The following GULP1 variants were observed in gnomAD, a reference collection of about 807,000 sequenced individuals.
GULP1 encodes PTB domain-containing engulfment adapter protein 1.
In GULP1, 19 loss-of-function variants were observed where a neutral mutation model predicts 40.9. The observed-to-expected ratio is 0.46, with a 90% confidence interval of 0.32 to 0.68. The LOEUF is 0.68. GULP1 is among the 30% of genes least tolerant of loss of function. GULP1 has a pLI of 0.03. For missense variants in GULP1, 312 were observed against 362.2 expected (o/e 0.86, Z 1.12); for synonymous variants, 119 against 117.6 (o/e 1.01, Z -0.08).
intron 1 of GULP1, among the ~76,000 whole-genome samples, chr2:188,329,652 A>G (rs2041280184): frequency 1.3e-5 from 2 of 152,146 alleles, no homozygotes; most frequent in African/African-American, 2.4e-5. Flanking sequence ...GGAGGTGATG[A>G]TAAGCTTATA....
chr2:188,402,934 A>G (rs1428848581), intron 2 of GULP1, among the ~76,000 whole-genome samples: 1 of 152,188 alleles, frequency 6.6e-6, no homozygotes, highest in Non-Finnish European at 1.5e-5. Context: ...CTTATGTACA[A>G]AAAGGGAAAG....
In GULP1 at chr2:188,303,891, C is replaced by A. The variant is rs538548352; in HGVS notation, c.-172+11725C>A. ...CACTGGGGAAGCTAGGCAAGGGAGA[C>A]CAGAGAATACAAAGTGCTGCAATTC... On this transcript the variant is annotated intron_variant, in intron 1 of 11. Transcript: ENST00000409830. 6.6e-5 allele frequency among the ~76,000 whole-genome samples: 10 copies of A among 152,164 alleles called. 1 individual carries two copies. The South Asian group carries it at 2.1e-3, about 32-fold the overall frequency.
intron 8 of GULP1, 114 bp from the exon 9 acceptor site, chr2:188,569,914 G>A (rs1182246298): frequency 9.6e-6 from 5 of 521,660 alleles, no homozygotes; most frequent in East Asian, 3.5e-5. Flanking sequence ...TTCTCCCCAC[G>A]CACAACAAAG....
At chr2:188,442,066 T>C (rs1282758371) in intron 2 of GULP1, among the ~76,000 whole-genome samples, 1 of 152,234 alleles carries the variant, frequency 6.6e-6, no homozygotes, top group Non-Finnish European at 1.5e-5. Context: ...AAAATTATTC[T>C]TCTAACAATA....
chr2:188,334,784 G>A (rs1037659093), intron 1 of GULP1, among the ~76,000 whole-genome samples: 1 of 152,128 alleles, frequency 6.6e-6, no homozygotes, highest in African/African-American at 2.4e-5. Flanking sequence ...TTGTTTATTA[G>A]GGGAATAAAA....
chr2:188,331,828 A>G (rs1299624069), intron 1 of GULP1, among the ~76,000 whole-genome samples: 2 of 152,324 alleles, frequency 1.3e-5, no homozygotes, highest in Non-Finnish European at 2.9e-5. Context: ...TTCTACAATT[A>G]TTACATATAA....
chr2:188,563,319 A>C (rs1326984737), intron 7 of GULP1, among the ~76,000 whole-genome samples: 4 of 151,794 alleles, frequency 2.6e-5, no homozygotes, highest in Non-Finnish European at 5.9e-5. Context: ...GAAATAGTGG[A>C]TGTAGCTGCA....
rs142336021 is a variant in GULP1, at chr2:188,485,415, A to G, written c.90+1923A>G. Among the ~76,000 whole-genome samples, 697 of 152,156 alleles carry G rather than the reference A, an allele frequency of 4.6e-3. 8 individuals carry two copies. Among genetic ancestry groups the G allele is most frequent in the African/African-American group, 0.016 (670 of 41,550 alleles). ...ATAATATGGCCTCATGAGTGATAATATATATTGTATGTGTACCAAGTAGCA... is the reference window on the plus strand; with the variant it reads ...ATAATATGGCCTCATGAGTGATAATGTATATTGTATGTGTACCAAGTAGCA... On this transcript the variant is annotated intron_variant, in intron 4 of 11. Coordinates refer to ENST00000409830, the MANE Select transcript of GULP1 (RefSeq NM_016315.4).
At position 188,483,440 on chromosome 2, in the gene GULP1, G is replaced by A; in HGVS notation, c.38G>A (p.Trp13Ter). Residue 13 changes from tryptophan to a stop codon, truncating the protein, a stop_gained, in exon 4 of 12, where the codon TGG becomes TAG. Coordinates refer to ENST00000409830, the MANE Select transcript of GULP1 (RefSeq NM_016315.4). LOFTEE classifies it high-confidence loss of function. ...GTATTTTTTATTGCAGACAAAACATGGATGCATACACCTGAAGCTTTATCA... is the reference window on the plus strand; with the variant it reads ...GTATTTTTTATTGCAGACAAAACATAGATGCATACACCTGAAGCTTTATCA... The part of the protein sequence containing the change: ...RAFSRKKDKT[W>*]MHTPEALSKH... 1 of 1,520,952 alleles carries A rather than the reference G, an allele frequency of 6.6e-7. No homozygotes were observed. The highest frequency in any genetic ancestry group is 9.0e-7 in the Non-Finnish European group (1 of 1,105,232). 94.2% of individuals were successfully genotyped at this position (1,520,952 alleles called of 1,614,324 possible).
At chr2:188,322,517 A>G (rs1471592981) in intron 1 of GULP1, among the ~76,000 whole-genome samples, 1 of 152,110 alleles carries the variant, frequency 6.6e-6, no homozygotes, top group Non-Finnish European at 1.5e-5. Context: ...ATATAATAGT[A>G]TTCATGGTGG....
At chr2:188,306,066 C>T (rs1262704413) in intron 1 of GULP1, among the ~76,000 whole-genome samples, 2 of 152,150 alleles carry the variant, frequency 1.3e-5, no homozygotes, top group African/African-American at 4.8e-5. Context: ...GTGTGAGCCA[C>T]CGTGCCTGGC....
At chr2:188,307,081 T>C (rs1183755450) in intron 1 of GULP1, among the ~76,000 whole-genome samples, 1 of 152,174 alleles carries the variant, frequency 6.6e-6, no homozygotes, top group East Asian at 1.9e-4. Flanking sequence ...AGCAGAATTA[T>C]TGAAGGAAAA....
intron 2 of GULP1, among the ~76,000 whole-genome samples, chr2:188,401,789 A>G (rs776682826): frequency 7.2e-5 from 11 of 152,172 alleles, no homozygotes; most frequent in Non-Finnish European, 1.3e-4. Context: ...TTTGCAAACC[A>G]TATCTGTGAA....
chr2:188,371,607 G>A (rs971430117), intron 1 of GULP1, among the ~76,000 whole-genome samples: 2 of 152,060 alleles, frequency 1.3e-5, no homozygotes, highest in African/African-American at 4.8e-5. Flanking sequence ...ATCAGTGAAA[G>A]CATTTAAATT....
intron 1 of GULP1, chr2:188,293,707 G>A (rs1290002953): frequency 6.6e-6 from 1 of 152,238 alleles, no homozygotes; most frequent in Non-Finnish European, 1.5e-5. Flanking sequence ...GACAGGCTAA[G>A]GTACTGCCCC....
rs144858773 is a variant in GULP1 at position 188,412,801 on chromosome 2, G to A, written c.-45+28912G>A. Among the ~76,000 whole-genome samples, 512 of 152,234 alleles carry A rather than the reference G, an allele frequency of 3.4e-3. 4 individuals are homozygous for A. Among genetic ancestry groups the A allele is most frequent in the African/African-American group, 0.012 (485 of 41,536 alleles). On this transcript the variant is annotated intron_variant, in intron 2 of 11. Coordinates refer to ENST00000409830, the MANE Select transcript of GULP1 (RefSeq NM_016315.4). ...GTAGGTATGATTTCATGTGACACAG[G>A]AATAAAGTCAATCACATATATTATT...
intron 4 of GULP1, among the ~76,000 whole-genome samples, chr2:188,492,280 A>G (rs971287394): frequency 1.3e-5 from 2 of 152,116 alleles, no homozygotes; most frequent in African/African-American, 4.8e-5. Flanking sequence ...TTGAAAACAC[A>G]ATATGTGCTA....
intron 2 of GULP1, among the ~76,000 whole-genome samples, chr2:188,431,112 G>A (rs571046079): frequency 1.3e-5 from 2 of 152,118 alleles, no homozygotes; most frequent in Admixed American, 1.3e-4. Flanking sequence ...CAACCAGTCT[G>A]TCTTTTTTGA....
intron 9 of GULP1, among the ~76,000 whole-genome samples, chr2:188,577,307 T>C (rs1263229553): frequency 1.3e-5 from 2 of 152,114 alleles, no homozygotes; most frequent in East Asian, 1.9e-4. Context: ...GGATAAACAA[T>C]GTATCTATTT....
Sources: gnomAD v4.1 joint callset for allele counts (sites outside exome capture counted in the v4.1 genomes callset) on GRCh38, gnomAD v4.1.1 for gene constraint, MANE v1.5 for transcripts, NCBI Gene and HGNC (gene_info 2026-07-23, HGNC 2026-07-21) for gene names.